The following CEP89 variants were observed in gnomAD, a reference collection of about 807,000 sequenced individuals.
CEP89 encodes the protein centrosomal protein of 89 kDa.
Under a neutral mutation model 97.6 loss-of-function variants are expected in CEP89, and 95 were observed. That is an observed-to-expected ratio of 0.97 (90% confidence interval 0.82 to 1.15). CEP89 has a LOEUF of 1.15. CEP89 is among the 50% of genes most tolerant of loss of function. CEP89 has a pLI of 0.00. For missense variants in CEP89, 869 were observed against 947.7 expected (o/e 0.92, Z 1.09); for synonymous variants, 354 against 349.1 (o/e 1.01, Z -0.16).
At chr19:32,955,659 G>A (rs971547339) in intron 3 of CEP89, among the ~76,000 whole-genome samples, 3 of 151,996 alleles carry the variant, frequency 2.0e-5, no homozygotes, top group East Asian at 1.9e-4. Context: ...GACTACAGGC[G>A]CCTGCCACCA....
intron 1 of CEP89, among the ~76,000 whole-genome samples, chr19:32,968,569 T>C (rs1420647046): frequency 6.6e-6 from 1 of 152,178 alleles, no homozygotes; most frequent in Admixed American, 6.5e-5. Flanking sequence ...TCTTAACCTT[T>C]GAATCCCAAG....
At chr19:32,892,204 TATATATA>T (rs907704428) in intron 16 of CEP89, among the ~76,000 whole-genome samples, 2 of 7,272 alleles carry the variant, frequency 2.8e-4, no homozygotes, top group Non-Finnish European at 5.8e-4. Context: ...TATTTAGACA[TATATATA>T]TATATATATA....
At chr19:32,918,425 C>A in intron 12 of CEP89, 86 bp from the exon 13 acceptor site, 1 of 912,908 alleles carries the variant, frequency 1.1e-6, no homozygotes, top group South Asian at 1.4e-5. Context: ...GAAGCAATGG[C>A]TGCATTACAG....
intron 14 of CEP89, among the ~76,000 whole-genome samples, chr19:32,912,928 G>A (rs2038892619): frequency 1.3e-5 from 2 of 151,508 alleles, no homozygotes; most frequent in Admixed American, 1.3e-4. Flanking sequence ...TGTAGTCCCA[G>A]CTACTCGGGA....
chr19:32,882,879 G>A (rs1038404230), intron 17 of CEP89, among the ~76,000 whole-genome samples: 14 of 151,146 alleles, frequency 9.3e-5, no homozygotes, highest in African/African-American at 2.7e-4. Context: ...TTTTTGAGAC[G>A]GCAGAGTCTT....
intron 3 of CEP89, among the ~76,000 whole-genome samples, chr19:32,959,637 A>T (rs1971121870): frequency 6.6e-6 from 1 of 152,194 alleles, no homozygotes; most frequent in Non-Finnish European, 1.5e-5. Context: ...GCCAGGACCC[A>T]TACAAGTCAA....
chr19:32,967,248 C>T (rs112994240), intron 1 of CEP89, among the ~76,000 whole-genome samples: 3 of 152,260 alleles, frequency 2.0e-5, no homozygotes, highest in African/African-American at 7.2e-5. Context: ...AAAACTAGCT[C>T]CTATACACAA....
At chr19:32,909,299 T>C (rs1420384072) in intron 14 of CEP89, among the ~76,000 whole-genome samples, 1 of 152,196 alleles carries the variant, frequency 6.6e-6, no homozygotes, top group Admixed American at 6.5e-5. Context: ...GAGACCTGTA[T>C]CCTAAAGTAA....
chr19:32,894,751 C>T (rs1969604550), intron 16 of CEP89, among the ~76,000 whole-genome samples: 1 of 152,190 alleles, frequency 6.6e-6, no homozygotes, highest in Non-Finnish European at 1.5e-5. Flanking sequence ...ATGCACAGCT[C>T]CTGTAAAGGG....
At position 32,953,624 on chromosome 19, in the gene CEP89, G is replaced by A. The variant is rs1017150635; in HGVS notation, c.483C>T (p.His161=). The A allele has an allele frequency of 3.1e-6, 5 of 1,603,452 alleles. No individual in the cohort carries two copies. Among genetic ancestry groups the A allele is most frequent in the African/African-American group, 1.3e-5 (1 of 74,686 alleles). ...GGAACATAGAAAACACCTGATTTCTGTGTGGCACAGCGTACAGGTCATCAC... is the reference window on the plus strand; with the variant it reads ...GGAACATAGAAAACACCTGATTTCTATGTGGCACAGCGTACAGGTCATCAC... ...GHSDDLYAVP[H]RNQVPLLHEV... The change falls in exon 4 of 19, where the codon CAC becomes CAT. Residue 161 remains histidine (H), a synonymous_variant. Coordinates refer to ENST00000305768, the MANE Select transcript of CEP89 (RefSeq NM_032816.5).
chr19:32,886,094 C>T (rs1969389041), intron 17 of CEP89, among the ~76,000 whole-genome samples: 1 of 152,200 alleles, frequency 6.6e-6, no homozygotes, highest in Non-Finnish European at 1.5e-5. Flanking sequence ...CTCTGACTGC[C>T]TCCTGAAGTC....
At chr19:32,938,890 C>A (rs1351942324) in intron 6 of CEP89, among the ~76,000 whole-genome samples, 1 of 152,124 alleles carries the variant, frequency 6.6e-6, no homozygotes, top group Admixed American at 6.6e-5. Flanking sequence ...GCGGAGGTTG[C>A]AGTGAGCCGA....
chr19:32,924,798 T>C (rs1432983452), intron 11 of CEP89, among the ~76,000 whole-genome samples: 1 of 152,106 alleles, frequency 6.6e-6, no homozygotes, highest in East Asian at 1.9e-4. Flanking sequence ...CCTCGCCCAT[T>C]ATTTACATGT....
Position 32,936,404 on chromosome 19 carries a change from C to G in CEP89, c.667+1227G>C, listed in dbSNP as rs1357861255. ...GTGTGAGCAGCCTGGGTGCCATGGA[C>G]TGGGCAGCAGGAGGGAGACAGGTTC... On this transcript the variant is annotated intron_variant, in intron 7 of 18. Coordinates refer to ENST00000305768, the MANE Select transcript of CEP89 (RefSeq NM_032816.5). This position sits in a 1 kb window ranked among gnomAD's most constrained non-coding sequence, Gnocchi z 4.5. Among the ~76,000 whole-genome samples the G allele has an allele frequency of 6.6e-6, 1 of 152,158 alleles. No individual in the cohort carries two copies. Among genetic ancestry groups the G allele is most frequent in the African/African-American group, 2.4e-5 (1 of 41,450 alleles).
chr19:32,937,677 G>A lies in CEP89; in HGVS notation c.625-4C>T, dbSNP rs767328697. The A allele has an allele frequency of 5.6e-6, 9 of 1,602,312 alleles. No homozygotes were observed. The highest frequency in any genetic ancestry group is 7.7e-6 in the Non-Finnish European group (9 of 1,171,954). ...CACATAATGGAGGTTTTTCATCCTA[G>A]GAAAGAAAGAACATAAGAGGAATAA... On this transcript the variant is annotated splice_region_variant and splice_polypyrimidine_tract_variant and intron_variant, in intron 6 of 18. Coordinates refer to ENST00000305768, the MANE Select transcript of CEP89 (RefSeq NM_032816.5).
intron 14 of CEP89, among the ~76,000 whole-genome samples, chr19:32,908,180 T>C (rs946917436): frequency 6.6e-6 from 1 of 152,210 alleles, no homozygotes; most frequent in Non-Finnish European, 1.5e-5. Flanking sequence ...TGTGTTTTGA[T>C]AGCCCCCTAG....
At chr19:32,964,789 G>A (rs1236042711) in intron 2 of CEP89, among the ~76,000 whole-genome samples, 1 of 152,150 alleles carries the variant, frequency 6.6e-6, no homozygotes, top group Non-Finnish European at 1.5e-5. Context: ...GCAGAGAGGG[G>A]CAGGGGGAAG....
rs1222932933 is a variant in CEP89, at chr19:32,876,824, C to T, written c.*2338G>A. The T allele has an allele frequency of 1.3e-5, 2 of 152,204 alleles. No homozygotes were observed. The highest frequency in any genetic ancestry group is 4.8e-5 in the African/African-American group (2 of 41,430). The allele number at this position is 152,204 out of a possible 1,614,324, so 9.4% of individuals were successfully genotyped here. A position where few individuals can be genotyped will look rare whatever the true frequency, so the allele number is the denominator to read the frequency against. On this transcript the variant is annotated 3_prime_UTR_variant, in exon 19 of 19. Transcript: ENST00000305768. ...CTGGTCACAGTGCCATCCAGGAGTC[C>T]CCATACTTGCAAAGTATGTTTGCAC...
intron 14 of CEP89, 115 bp from the exon 15 acceptor site, chr19:32,901,527 C>T (rs1326317879): frequency 1.1e-5 from 11 of 1,044,890 alleles, no homozygotes; most frequent in Non-Finnish European, 1.6e-5. Flanking sequence ...CTGGGTGGGT[C>T]ACTTGGAATG....
Sources: allele counts gnomAD v4.1 joint callset (sites outside exome capture counted in the v4.1 genomes callset), GRCh38; gene constraint gnomAD v4.1.1; non-coding constraint Gnocchi (gnomAD v3.1); transcripts MANE v1.5; gene names NCBI Gene and HGNC (gene_info 2026-07-23, HGNC 2026-07-21).